Variants in MPDZ observed in about 807,000 individuals in gnomAD.
MPDZ encodes multiple PDZ domain protein.
Under a neutral mutation model 239.1 loss-of-function variants are expected in MPDZ, and 234 were observed. The observed-to-expected ratio is 0.98, with a 90% confidence interval of 0.88 to 1.09. The LOEUF (loss-of-function observed/expected upper bound fraction) is 1.09, where lower values mean the gene tolerates loss of function less well. Ranked by LOEUF, MPDZ falls within the 50% of genes least tolerant of loss-of-function variation. The probability of loss-of-function intolerance (pLI) is 0.00; values close to 1 mark genes in which losing one functional copy is unlikely to be tolerated. For missense variants in MPDZ, 3,175 were observed against 2,510.0 expected, an observed-to-expected ratio of 1.26 and a Z score of -5.66; for synonymous variants, 1,048 against 881.3, an observed-to-expected ratio of 1.19 and a Z score of -3.35.
intron 5 of MPDZ, among the ~76,000 whole-genome samples, chr9:13,223,080 T>C (rs549005439): frequency 3.3e-5 from 5 of 152,210 alleles, no homozygotes; most frequent in African/African-American, 1.2e-4. Flanking sequence ...TTAAAATATA[T>C]GGGAGAATGT....
intron 12 of MPDZ, among the ~76,000 whole-genome samples, chr9:13,204,152 A>G (rs1956728926): frequency 6.6e-6 from 1 of 152,196 alleles, no homozygotes; most frequent in South Asian, 2.1e-4. Context: ...GTATATTCAC[A>G]TGAAGGGAGG....
intron 40 of MPDZ, among the ~76,000 whole-genome samples, chr9:13,114,389 T>C (rs374598187): frequency 1.3e-5 from 2 of 152,146 alleles, no homozygotes; most frequent in Non-Finnish European, 2.9e-5. Context: ...CTCATGGTAG[T>C]AATTTAGAAA....
rs372698982 is a variant in MPDZ, at chr9:13,224,595, G to A, written c.184-12C>T. ...GTTGCAATATTTACCTAAGAGTAAT[G>A]CAGGGATTATTAAGAATTTTGACAT... On this transcript the variant is annotated splice_polypyrimidine_tract_variant and intron_variant, in intron 3 of 46. Coordinates refer to ENST00000319217, the MANE Select transcript of MPDZ (RefSeq NM_001378778.1). The A allele has an allele frequency of 3.3e-5, 51 of 1,548,480 alleles. No individual in the cohort carries two copies. The African/African-American group carries it at 6.4e-4, about 19-fold the overall frequency.
chr9:13,235,023 T>A (rs1963568839), intron 3 of MPDZ, among the ~76,000 whole-genome samples: 1 of 152,138 alleles, frequency 6.6e-6, no homozygotes, highest in Non-Finnish European at 1.5e-5. Context: ...TTATACATGA[T>A]AGGACTCCAT....
chr9:13,149,395 T>C (rs1430579157), intron 25 of MPDZ, among the ~76,000 whole-genome samples: 3 of 152,106 alleles, frequency 2.0e-5, no homozygotes, highest in South Asian at 4.1e-4. Context: ...GAGTCACTTG[T>C]ATAAAGTAAA....
intron 2 of MPDZ, among the ~76,000 whole-genome samples, chr9:13,248,708 C>CCA (rs1966995796): frequency 6.6e-6 from 1 of 151,742 alleles, no homozygotes. Context: ...TGGCTCATGT[C>CCA]TGTAATCCCC....
chr9:13,197,957 T>C (rs1955859809), intron 12 of MPDZ, among the ~76,000 whole-genome samples: 1 of 152,178 alleles, frequency 6.6e-6, no homozygotes, highest in African/African-American at 2.4e-5. Context: ...TGATATTCCA[T>C]TGTGTATATA....
intron 3 of MPDZ, among the ~76,000 whole-genome samples, chr9:13,231,033 A>T (rs1962272273): frequency 6.6e-6 from 1 of 152,156 alleles, no homozygotes; most frequent in Non-Finnish European, 1.5e-5. Context: ...AAAACAGGAA[A>T]ATGATACAAT....
rs776139607 is a variant in MPDZ at position 13,158,046 on chromosome 9, CTG to C, written c.3422_3423del (p.Thr1141SerfsTer3). 1 of 1,612,736 alleles carries C rather than the reference CTG, an allele frequency of 6.2e-7. No individual in the cohort carries two copies. The highest frequency in any genetic ancestry group is 8.5e-7 in the Non-Finnish European group (1 of 1,179,146). On this transcript the variant is annotated frameshift_variant, in exon 24 of 47. Coordinates refer to ENST00000319217, the MANE Select transcript of MPDZ (RefSeq NM_001378778.1). LOFTEE classifies it high-confidence loss of function. Reference protein sequence around the residue: ...GEGEESELQNTAYSNWNQPRR... With the variant: ...GEGEESELQNXAYSNWNQPRR... ...CTGGGCTGATTCCAATTGCTATATGCTGTGTTTTGAAGTTCGCTTTCTTCACC... is the reference window on the plus strand; with the variant it reads ...CTGGGCTGATTCCAATTGCTATATGCTGTTTTGAAGTTCGCTTTCTTCACC...
intron 12 of MPDZ, among the ~76,000 whole-genome samples, chr9:13,196,584 C>A (rs1373911446): frequency 6.6e-6 from 1 of 152,044 alleles, no homozygotes; most frequent in Non-Finnish European, 1.5e-5. Context: ...CTTCAATGTT[C>A]TCTGTTTTAT....
intron 46 of MPDZ, among the ~76,000 whole-genome samples, chr9:13,107,603 T>A (rs1027766401): frequency 2.6e-5 from 4 of 152,142 alleles, no homozygotes; most frequent in African/African-American, 9.7e-5. Context: ...TATGGCAGGA[T>A]AAGGCATAAG....
At chr9:13,128,972 T>A (rs796395346) in intron 32 of MPDZ, among the ~76,000 whole-genome samples, 93 of 152,288 alleles carry the variant, frequency 6.1e-4, no homozygotes, top group African/African-American at 2.1e-3. Flanking sequence ...CCCTTGAAGG[T>A]TGCTGACCTG....
At chr9:13,196,046 C>T (rs764678152) in intron 13 of MPDZ, 75 bp downstream of exon 13, 11 of 896,928 alleles carry the variant, frequency 1.2e-5, no homozygotes, top group Admixed American at 4.8e-5. Context: ...CTAATGATTG[C>T]CTCTATTATT....
At chr9:13,120,871 T>C (rs1009152413) in intron 38 of MPDZ, among the ~76,000 whole-genome samples, 2 of 152,106 alleles carry the variant, frequency 1.3e-5, no homozygotes, top group Non-Finnish European at 2.9e-5. Context: ...AATGACAAAA[T>C]AAACTTAGAG....
At chr9:13,163,577 T>C (rs745912103) in intron 22 of MPDZ, among the ~76,000 whole-genome samples, 1 of 152,180 alleles carries the variant, frequency 6.6e-6, no homozygotes, top group Non-Finnish European at 1.5e-5. Context: ...GCTGTCCTGC[T>C]TCTGACATGG....
At chr9:13,261,691 G>C (rs955496760) in intron 1 of MPDZ, among the ~76,000 whole-genome samples, 1 of 152,016 alleles carries the variant, frequency 6.6e-6, no homozygotes, top group Non-Finnish European at 1.5e-5. Context: ...CAGAGCCTGA[G>C]AAAAGCCATA....
At position 13,138,072 on chromosome 9, in the gene MPDZ, A is replaced by G; in HGVS notation, c.4085T>C (p.Leu1362Pro). 1 of 1,613,808 alleles carries G rather than the reference A, an allele frequency of 6.2e-7. No homozygotes were observed. Among genetic ancestry groups the G allele is most frequent in the East Asian group, 2.2e-5 (1 of 44,842 alleles). ...ELEKGHSGLG[L>P]SLAGNKDRSR... ...TCGGTCTTTGTTCCCAGCAAGACTT[A>G]GGCCCAAACCACTATGACCTTTCTC... The change falls in exon 29 of 47, where the codon CTA becomes CCA. Residue 1362 changes from leucine (L) to proline (P), a missense_variant. Transcript: ENST00000319217.
chr9:13,271,155 C>T (rs1006766852), intron 1 of MPDZ, among the ~76,000 whole-genome samples: 7 of 151,992 alleles, frequency 4.6e-5, no homozygotes, highest in Admixed American at 1.3e-4. Flanking sequence ...TTACAATTAC[C>T]GGTAGTATTT....
In MPDZ at chr9:13,126,820, T is replaced by C. The variant is rs767128029; in HGVS notation, c.4465-48A>G. 35 of 1,501,608 alleles carry C rather than the reference T, an allele frequency of 2.3e-5. 4 individuals are homozygous for C. In the Admixed American group the frequency reaches 3.2e-4, roughly 14 times the overall value. The allele number at this position is 1,501,608 out of a possible 1,614,324, so 93.0% of individuals were successfully genotyped here. ...GCTCAGAAGACTTGAAACAGATTAA[T>C]TTTATCCAAATGGATACCAAGGGTA... On this transcript the variant is annotated intron_variant, in intron 32 of 46. Coordinates refer to ENST00000319217, the MANE Select transcript of MPDZ (RefSeq NM_001378778.1).
Sources: allele counts gnomAD v4.1 joint callset (sites outside exome capture counted in the v4.1 genomes callset), GRCh38; gene constraint gnomAD v4.1.1; transcripts MANE v1.5; gene names NCBI Gene and HGNC (gene_info 2026-07-23, HGNC 2026-07-21).